The following TOP1MT variants were observed in gnomAD, a reference collection of about 807,000 sequenced individuals.
TOP1MT encodes DNA topoisomerase I mitochondrial.
A neutral mutation model predicts 73.9 loss-of-function variants in TOP1MT; 80 were observed. The observed-to-expected ratio is 1.08, with a 90% CI of 0.90 to 1.30. TOP1MT has a LOEUF of 1.30. Ranked by LOEUF, TOP1MT falls within the 50% of genes most tolerant of loss-of-function variation. TOP1MT has a pLI of 0.00. For missense variants in TOP1MT, 815 were observed against 808.0 expected, an observed-to-expected ratio of 1.01 and a Z score of -0.10; for synonymous variants, 338 against 326.4, an observed-to-expected ratio of 1.04 and a Z score of -0.38.
upstream of TOP1MT, among the ~76,000 whole-genome samples, chr8:143,338,127 G>A (rs1817014170): frequency 6.6e-6 from 1 of 152,152 alleles, no homozygotes; most frequent in Admixed American, 6.5e-5. Context: ...GAGAGGTTTT[G>A]TCTGCAACGT....
chr8:143,337,209 G>A (rs988394791), upstream of TOP1MT, among the ~76,000 whole-genome samples: 1 of 152,070 alleles, frequency 6.6e-6, no homozygotes, highest in Admixed American at 6.5e-5. Context: ...GGCGGATCAC[G>A]AGGTCAGATC....
intron 7 of TOP1MT, among the ~76,000 whole-genome samples, chr8:143,322,643 C>CACACCA (rs1554620366): frequency 5.5e-4 from 30 of 54,974 alleles, no homozygotes; most frequent in Admixed American, 7.5e-4. Context: ...CACACACACG[C>CACACCA]CACACGCACA....
intron 1 of TOP1MT, among the ~76,000 whole-genome samples, chr8:143,333,298 A>G (rs1289606971): frequency 1.3e-5 from 2 of 152,092 alleles, no homozygotes; most frequent in South Asian, 4.1e-4. Context: ...AAATACAAAA[A>G]TTAGCTAGGC....
chr8:143,350,232 C>T (rs1280268592), intron 1 of TOP1MT: 5 of 152,358 alleles, frequency 3.3e-5, no homozygotes, highest in African/African-American at 4.8e-5. Context: ...TTCTCATGGC[C>T]GCTGTGCAAG....
At chr8:143,323,973 C>T (rs755449565) in intron 7 of TOP1MT, 26 bp downstream of exon 7, 10 of 1,608,932 alleles carry the variant, frequency 6.2e-6, no homozygotes, top group Middle Eastern at 1.7e-4. Context: ...GATGAAGAGC[C>T]GCCAGGAAGC....
intron 3 of TOP1MT, among the ~76,000 whole-genome samples, chr8:143,328,740 G>A (rs942486626): frequency 1.3e-5 from 2 of 152,232 alleles, no homozygotes; most frequent in Non-Finnish European, 2.9e-5. Context: ...CATGAGTCAC[G>A]GAACAGAGGA....
intron 4 of TOP1MT, among the ~76,000 whole-genome samples, chr8:143,325,825 C>G (rs563455518): frequency 1.3e-5 from 2 of 152,292 alleles, no homozygotes; most frequent in South Asian, 4.1e-4. Context: ...CGTGGCTGCC[C>G]GCCATGGAGG....
At chr8:143,335,236 G>A (rs1322684416), upstream of TOP1MT, among the ~76,000 whole-genome samples, 2 of 152,216 alleles carry the variant, frequency 1.3e-5, no homozygotes, top group Admixed American at 6.5e-5. Context: ...CTGAGGGCAG[G>A]GGCACCTAGC....
chr8:143,322,479 GGCACGCCACACGCACGCCACACA>G lies in TOP1MT; in HGVS notation c.961-1116_961-1094del, dbSNP rs1563759359. On this transcript the variant is annotated intron_variant, in intron 7 of 13. Transcript: ENST00000329245. The stretch of plus-strand genomic sequence containing the variant: ...GCATGCCACACAGGCACGCCACACA[GGCACGCCACACGCACGCCACACA>G]CACAGGCACGCCACACAACAGGCAC... 1.5e-3 allele frequency among the ~76,000 whole-genome samples: 69 copies of G among 44,868 alleles called. 1 individual carries two copies. Among genetic ancestry groups the G allele is most frequent in the Non-Finnish European group, 4.1e-4 (10 of 24,270 alleles). The allele number at this position is 44,868 out of a possible 152,430, so 29.4% of individuals were successfully genotyped here. A position where few individuals can be genotyped will look rare whatever the true frequency, so the allele number is the denominator to read the frequency against.
rs1350285167 is a variant in TOP1MT, at chr8:143,309,502, T to C, written c.1745A>G (p.Lys582Arg). 3.1e-6 allele frequency: 5 copies of C among 1,614,076 alleles called. No homozygotes were observed. In the East Asian group the frequency reaches 1.1e-4, roughly 36 times the overall value. The change falls in exon 14 of 14, where the codon AAA (lysine) becomes AGA (arginine). Residue 582 changes from lysine to arginine, a missense_variant. Coordinates refer to ENST00000329245, the MANE Select transcript of TOP1MT (RefSeq NM_052963.3). ...CCAGGCGAACCTCTCCCGCTGTGTT[T>C]TGCTGTAGATCTTCTCCACTGGCAC... ...FRVPVEKIYSKTQRERFAWAL... is the reference protein window; with the variant it reads ...FRVPVEKIYSRTQRERFAWAL...
chr8:143,351,322 C>T (rs1423624795), intron 1 of TOP1MT, among the ~76,000 whole-genome samples: 6 of 152,182 alleles, frequency 3.9e-5, no homozygotes, highest in Non-Finnish European at 8.8e-5. Flanking sequence ...CCTGTAATCC[C>T]AGCACTTTGG....
At chr8:143,315,606 A>G in intron 12 of TOP1MT, 121 bp downstream of exon 12, 2 of 690,314 alleles carry the variant, frequency 2.9e-6, no homozygotes, top group Admixed American at 2.9e-5. Context: ...CTTTATTTCT[A>G]CAATCTCTCG....
chr8:143,342,361 T>TCTGTTATTATTATTAGAGACAGAGCCTCG (rs1817117559), intron 2 of TOP1MT, among the ~76,000 whole-genome samples: 2 of 142,930 alleles, frequency 1.4e-5, no homozygotes, highest in South Asian at 2.1e-4. Flanking sequence ...AGAGTCTCGC[T>TCTGTTATTATTATTAGAGACAGAGCCTCG]CTGTTATTAT....
In TOP1MT at chr8:143,325,348, G is replaced by C; in HGVS notation, c.669C>G (p.Ser223Arg). The C allele has an allele frequency of 6.3e-7, 1 of 1,586,510 alleles. No individual in the cohort carries two copies. The highest frequency in any genetic ancestry group is 8.6e-7 in the Non-Finnish European group (1 of 1,159,562). Reference sequence around the variant, plus strand: ...CTGCTGCCCGCCCGGCCACGCACCTGCTGCAGTTGATAACCACATCCTCTG... The same window carrying C: ...CTGCTGCCCGCCCGGCCACGCACCTCCTGCAGTTGATAACCACATCCTCTG... ...ITPEDVVINCSRDSKIPEPPA... is the reference protein window; with the variant it reads ...ITPEDVVINCRRDSKIPEPPA... The change falls in exon 5 of 14, where the codon AGC (serine) becomes AGG (arginine). Residue 223 changes from serine (S) to arginine (R), a missense_variant and splice_region_variant. By Grantham distance (110) the Ser-to-Arg change is moderately radical (BLOSUM62 -1). Around this residue, in one of 3 missense-constraint regions of TOP1MT, gnomAD observed 751 missense variants for 725.4 expected, o/e 1.04. Coordinates refer to ENST00000329245, the MANE Select transcript of TOP1MT (RefSeq NM_052963.3).
chr8:143,325,020 A>G (rs1816666656), intron 5 of TOP1MT, among the ~76,000 whole-genome samples: 1 of 152,168 alleles, frequency 6.6e-6, no homozygotes, highest in Admixed American at 6.5e-5. Flanking sequence ...CCTCTCCACC[A>G]CTTGGAATGT....
upstream of TOP1MT, among the ~76,000 whole-genome samples, chr8:143,357,254 A>T (rs747780292): frequency 2.2e-4 from 33 of 151,746 alleles, no homozygotes; most frequent in Non-Finnish European, 4.6e-4. Flanking sequence ...TACAAAAATT[A>T]AAAAGAAGAA....
At chr8:143,338,331 G>A (rs145132780), upstream of TOP1MT, among the ~76,000 whole-genome samples, 3,060 of 152,208 alleles carry the variant, frequency 0.02, 47 homozygotes, top group South Asian at 0.052. Context: ...ACTTTGGGAG[G>A]CCAAGGCGGG....
intron 1 of TOP1MT, among the ~76,000 whole-genome samples, chr8:143,352,106 C>T (rs1438932228): frequency 6.6e-6 from 1 of 152,118 alleles, no homozygotes; most frequent in African/African-American, 2.4e-5. Context: ...GACAACAATA[C>T]TCTCCAAACG....
At chr8:143,334,590 C>G (rs548085974) in intron 1 of TOP1MT, 150 bp downstream of exon 1, 2 of 1,144,488 alleles carry the variant, frequency 1.7e-6, no homozygotes, top group South Asian at 3.4e-5. Flanking sequence ...GCGGGCCGGT[C>G]ACACCGCGGC....
Sources: gnomAD v4.1 joint callset for allele counts (sites outside exome capture counted in the v4.1 genomes callset) on GRCh38, gnomAD v4.1.1 for gene constraint, gnomAD v4.1.1 regional missense constraint, MANE v1.5 for transcripts, NCBI Gene and HGNC (gene_info 2026-07-23, HGNC 2026-07-21) for gene names.